Variants in PARK7 observed in about 807,000 individuals in gnomAD.
The protein encoded by PARK7 is Parkinsonism associated deglycase.
PARK7 carries 14 observed loss-of-function variants against 20.5 expected under a neutral mutation model. The ratio of observed to expected loss-of-function variants is 0.68; its 90% CI spans 0.45 to 1.07. PARK7 has a LOEUF of 1.07. PARK7 is among the 50% of genes least tolerant of loss of function. PARK7 has a pLI of 0.00. For missense variants in PARK7, 234 were observed against 238.1 expected (o/e 0.98, Z 0.11); for synonymous variants, 98 against 84.3 (o/e 1.16, Z -0.89).
Position 7,972,109 on chromosome 1 carries a change from T to C in PARK7, c.322+1146T>C, listed in dbSNP as rs143929098. ...TGGGCCAGAGGTCCTGGGGACTTGATACATTCGAGTATCAGTGGTTCTCAA... is the reference window on the plus strand; with the variant it reads ...TGGGCCAGAGGTCCTGGGGACTTGACACATTCGAGTATCAGTGGTTCTCAA... On this transcript the variant is annotated intron_variant, in intron 5 of 6. Transcript: ENST00000338639. Among the ~76,000 whole-genome samples the C allele has an allele frequency of 1.5e-3, 233 of 152,286 alleles. 2 individuals are homozygous for C. The highest frequency in any genetic ancestry group is 2.8e-3 in the Non-Finnish European group (192 of 68,038).
chr1:7,977,669 G>C lies in PARK7; in HGVS notation c.340G>C (p.Ala114Pro). The C allele has an allele frequency of 2.5e-6, 4 of 1,613,920 alleles. No individual in the cohort carries two copies. Among genetic ancestry groups the C allele is most frequent in the Non-Finnish European group, 2.5e-6 (3 of 1,179,864 alleles). ...AICAGPTALL[A>P]HEIGFGSKVT... Reference sequence around the variant, plus strand: ...ATTCTTAGGTCCTACTGCTCTGTTGGCTCATGAAATAGGTTTTGGAAGTAA... The same window carrying C: ...ATTCTTAGGTCCTACTGCTCTGTTGCCTCATGAAATAGGTTTTGGAAGTAA... The change falls in exon 6 of 7, where the codon GCT (alanine) becomes CCT (proline). Residue 114 changes from alanine to proline, a missense_variant. Coordinates refer to ENST00000338639, the MANE Select transcript of PARK7 (RefSeq NM_007262.5).
At chr1:7,966,268 G>A (rs1640327502) in intron 3 of PARK7, among the ~76,000 whole-genome samples, 1 of 152,016 alleles carries the variant, frequency 6.6e-6, no homozygotes, top group Non-Finnish European at 1.5e-5. Flanking sequence ...TCCCTGGGCC[G>A]AGCTGTCCTC....
chr1:7,973,720 A>C (rs1355566543), intron 5 of PARK7, among the ~76,000 whole-genome samples: 1 of 150,888 alleles, frequency 6.6e-6, no homozygotes, highest in Non-Finnish European at 1.5e-5. Flanking sequence ...GTCTCAAAAA[A>C]TAAATAAAAT....
rs756867750 is a variant in PARK7 at position 7,965,306 on chromosome 1, A to G, written c.91-18A>G. The G allele has an allele frequency of 1.0e-5, 16 of 1,603,094 alleles. 1 individual carries two copies. The South Asian group carries it at 1.3e-4, about 13-fold the overall frequency. ...TTATGTTTCAGTGTTCTTAAATATG[A>G]TAACATCTTTCTCGTAGATTAAGGT... On this transcript the variant is annotated intron_variant, in intron 2 of 6. Transcript: ENST00000338639.
chr1:7,963,963 G>A (rs542576653), intron 2 of PARK7, among the ~76,000 whole-genome samples: 6 of 151,834 alleles, frequency 4.0e-5, no homozygotes, highest in Non-Finnish European at 4.4e-5. Context: ...TTACAGGTGC[G>A]CACCACCATG....
At chr1:7,963,664 C>T (rs1640260983) in intron 2 of PARK7, among the ~76,000 whole-genome samples, 3 of 152,074 alleles carry the variant, frequency 2.0e-5, no homozygotes, top group Admixed American at 1.3e-4. Flanking sequence ...CAGGAGCCAC[C>T]ATGCCCGGCC....
At chr1:7,978,242 C>G (rs949931979) in intron 6 of PARK7, among the ~76,000 whole-genome samples, 20 of 151,616 alleles carry the variant, frequency 1.3e-4, no homozygotes, top group African/African-American at 1.9e-4. Flanking sequence ...GTGATCCACC[C>G]GCCTCAGCCT....
rs1032575111 is a variant in PARK7 at position 7,984,437 on chromosome 1, C to T, written c.410-457C>T. Among the ~76,000 whole-genome samples, 11 of 152,232 alleles carry T rather than the reference C, an allele frequency of 7.2e-5. No individual in the cohort carries two copies. Among genetic ancestry groups the T allele is most frequent in the South Asian group, 2.1e-4 (1 of 4,834 alleles). On this transcript the variant is annotated intron_variant, in intron 6 of 6. Coordinates refer to ENST00000338639, the MANE Select transcript of PARK7 (RefSeq NM_007262.5). The surrounding 1 kb of genome is among the most constrained non-coding windows in gnomAD (Gnocchi z 4.3). ...TGCACACGCACACTCACATGCATAC[C>T]CGCCTCCATTACGTTGTGCTGTGGT...
intron 3 of PARK7, among the ~76,000 whole-genome samples, chr1:7,967,343 T>C (rs1319889482): frequency 6.6e-6 from 1 of 152,182 alleles, no homozygotes; most frequent in African/African-American, 2.4e-5. Flanking sequence ...TGATTTCGTA[T>C]GTTGGCTAGT....
At chr1:7,980,429 G>A (rs573865969) in intron 6 of PARK7, among the ~76,000 whole-genome samples, 1 of 152,114 alleles carries the variant, frequency 6.6e-6, no homozygotes, top group South Asian at 2.1e-4. Flanking sequence ...AAAAAGATCA[G>A]ATTGTTGATG....
At chr1:7,963,800 T>C (rs1264715803) in intron 2 of PARK7, among the ~76,000 whole-genome samples, 1 of 149,678 alleles carries the variant, frequency 6.7e-6, no homozygotes, top group Non-Finnish European at 1.5e-5. Flanking sequence ...CGCACTCTTG[T>C]GTATCCATGC....
At chr1:7,974,094 G>T (rs1294999871) in intron 5 of PARK7, among the ~76,000 whole-genome samples, 1 of 148,738 alleles carries the variant, frequency 6.7e-6, no homozygotes, top group East Asian at 2.0e-4. Context: ...AGGATCACTT[G>T]AACCCAGGAG....
intron 2 of PARK7, among the ~76,000 whole-genome samples, chr1:7,963,203 A>G (rs1640246565): frequency 1.3e-5 from 2 of 151,916 alleles, no homozygotes; most frequent in African/African-American, 4.8e-5. Context: ...AGCTGAGACT[A>G]CAGATGCGTG....
chr1:7,961,727 T>A lies in PARK7; in HGVS notation c.-90T>A, dbSNP rs1640205190. On this transcript the variant is annotated 5_prime_UTR_variant, in exon 1 of 7. Coordinates refer to ENST00000338639, the MANE Select transcript of PARK7 (RefSeq NM_007262.5). ...TGCTGGCGTGCGTTCATTTTCAGCC[T>A]GGTGTGGGGTGAGTGGTACCCAACG... 6.5e-6 allele frequency: 1 copy of A among 153,014 alleles called. No individual in the cohort carries two copies. The highest frequency in any genetic ancestry group is 2.4e-5 in the African/African-American group (1 of 41,552). 9.5% of individuals were successfully genotyped at this position (153,014 alleles called of 1,614,324 possible).
chr1:7,981,963 G>A (rs913570922), intron 6 of PARK7, among the ~76,000 whole-genome samples: 14 of 120,092 alleles, frequency 1.2e-4, no homozygotes, highest in East Asian at 5.8e-4. Flanking sequence ...CAGCCCCCCC[G>A]CCTTTTTTTT....
intron 2 of PARK7, among the ~76,000 whole-genome samples, chr1:7,964,069 T>A (rs1027272454): frequency 2.6e-5 from 4 of 152,124 alleles, no homozygotes; most frequent in Non-Finnish European, 4.4e-5. Flanking sequence ...CACCTCGGCC[T>A]CCCAAAGTGC....
At chr1:7,975,386 CAAGGTCTTGGCCACCTGGAGG>C (rs1640561394) in intron 5 of PARK7, among the ~76,000 whole-genome samples, 1 of 152,110 alleles carries the variant, frequency 6.6e-6, no homozygotes, top group Non-Finnish European at 1.5e-5. Context: ...CCTCTGGAAG[CAAGGTCTTGGCCACCTGGAGG>C]AGCTGGGGAG....
chr1:7,979,889 A>G (rs172811), intron 6 of PARK7, among the ~76,000 whole-genome samples: 100,748 of 152,070 alleles, frequency 0.66, 34,602 homozygotes, highest in African/African-American at 0.85. Context: ...GGATGCAGTG[A>G]CTCACGCCTG....
chr1:7,972,407 G>A (rs1471445516), intron 5 of PARK7, among the ~76,000 whole-genome samples: 1 of 151,860 alleles, frequency 6.6e-6, no homozygotes, highest in African/African-American at 2.4e-5. Context: ...GTTAGAGGCT[G>A]CAGTGAGCTA....
Sources: allele counts gnomAD v4.1 joint callset (sites outside exome capture counted in the v4.1 genomes callset), GRCh38; gene constraint gnomAD v4.1.1; non-coding constraint Gnocchi (gnomAD v3.1); transcripts MANE v1.5; gene names NCBI Gene and HGNC (gene_info 2026-07-23, HGNC 2026-07-21).